The following LINGO2 variants were observed in gnomAD, a reference collection of about 807,000 sequenced individuals.
The protein encoded by LINGO2 is leucine rich repeat and Ig domain containing 2.
In LINGO2, 14 loss-of-function variants were observed where a neutral mutation model predicts 30.6. The observed-to-expected ratio is 0.46, with a 90% CI of 0.30 to 0.72. The LOEUF is 0.72. LINGO2 is among the 30% of genes least tolerant of loss of function. The pLI, the probability that LINGO2 is intolerant of heterozygous loss-of-function variation, is 0.07. For synonymous variants in LINGO2, 317 were observed against 288.5 expected (o/e 1.10, Z -1.00); for missense variants, 729 against 751.7 (o/e 0.97, Z 0.35).
chr9:28,996,124 A>G, the LINGO2 span, among the ~76,000 whole-genome samples: 36 of 152,092 alleles, frequency 2.4e-4, no homozygotes, highest in African/African-American at 8.7e-4. Context: ...GCTTTAAAAA[A>G]AAAAAAAAAG....
the LINGO2 span, among the ~76,000 whole-genome samples, chr9:29,177,521 G>T: frequency 6.6e-6 from 1 of 152,074 alleles, no homozygotes; most frequent in Non-Finnish European, 1.5e-5. Flanking sequence ...CTCCCAAAAT[G>T]TACAATCTTC....
intron 2 of LINGO2, among the ~76,000 whole-genome samples, chr9:28,429,704 C>T (rs1377986287): frequency 6.6e-6 from 1 of 152,186 alleles, no homozygotes; most frequent in African/African-American, 2.4e-5. Context: ...AATTACCATA[C>T]TCATCACCAC....
At chr9:29,070,588 C>T in the LINGO2 span, among the ~76,000 whole-genome samples, 1 of 151,866 alleles carries the variant, frequency 6.6e-6, no homozygotes, top group African/African-American at 2.4e-5. Flanking sequence ...TGCTACAGAC[C>T]CCCAGGTGGA....
chr9:29,101,965 A>G, the LINGO2 span, among the ~76,000 whole-genome samples: 3 of 152,060 alleles, frequency 2.0e-5, no homozygotes, highest in African/African-American at 7.2e-5. Context: ...TATCAAAAAT[A>G]TTTTTTGGTT....
intron 4 of LINGO2, among the ~76,000 whole-genome samples, chr9:28,052,773 G>A (rs982001957): frequency 1.3e-5 from 2 of 152,062 alleles, no homozygotes; most frequent in African/African-American, 4.8e-5. Flanking sequence ...TGGGAGAGAA[G>A]AGACATCTTA....
At chr9:29,165,172 A>G in the LINGO2 span, among the ~76,000 whole-genome samples, 1 of 152,270 alleles carries the variant, frequency 6.6e-6, no homozygotes, top group African/African-American at 2.4e-5. Context: ...GAAAACTTAT[A>G]TCTATATTTG....
At chr9:28,445,858 G>A (rs1298667838) in intron 2 of LINGO2, among the ~76,000 whole-genome samples, 3 of 151,858 alleles carry the variant, frequency 2.0e-5, no homozygotes, top group Non-Finnish European at 4.4e-5. Context: ...CCAGAAGGGG[G>A]AAAAAAACAT....
rs531688549 is a variant in LINGO2, at chr9:28,161,415, TAA to T, written c.-87+133791_-87+133792del. Among the ~76,000 whole-genome samples the T allele has an allele frequency of 1.5e-3, 227 of 152,296 alleles. 3 individuals carry two copies. Among genetic ancestry groups the T allele is most frequent in the African/African-American group, 5.3e-3 (222 of 41,568 alleles). On this transcript the variant is annotated intron_variant, in intron 4 of 5. Coordinates refer to ENST00000379992, the Ensembl canonical transcript of LINGO2. ...TTTGCCTTTGAAAGTGCAAAAGATA[TAA>T]GTGTAATGACAATAATTTTTTCATT... is the stretch of plus-strand genomic sequence containing the variant.
the LINGO2 span, among the ~76,000 whole-genome samples, chr9:29,002,999 TACA>T: frequency 6.6e-6 from 1 of 152,032 alleles, no homozygotes; most frequent in Admixed American, 6.6e-5. Context: ...CTGGTGTCCT[TACA>T]AGAAGAAGAG....
chr9:28,967,943 T>C, the LINGO2 span, among the ~76,000 whole-genome samples: 1 of 152,328 alleles, frequency 6.6e-6, no homozygotes, highest in East Asian at 1.9e-4. Flanking sequence ...AACCCTAATA[T>C]TAAGTAAGTA....
the LINGO2 span, among the ~76,000 whole-genome samples, chr9:29,027,100 T>C: frequency 6.6e-6 from 1 of 152,122 alleles, no homozygotes; most frequent in African/African-American, 2.4e-5. Flanking sequence ...GGAGAAAATG[T>C]AGAATATAGA....
chr9:28,854,442 T>A, the LINGO2 span, among the ~76,000 whole-genome samples: 1 of 152,004 alleles, frequency 6.6e-6, no homozygotes. Flanking sequence ...GTGCTTGTGC[T>A]TTAATGTCTT....
At chr9:28,447,798 T>G (rs558218442) in intron 2 of LINGO2, among the ~76,000 whole-genome samples, 1 of 152,208 alleles carries the variant, frequency 6.6e-6, no homozygotes, top group Non-Finnish European at 1.5e-5. Flanking sequence ...CATTACTTGC[T>G]TGATATAGGA....
intron 4 of LINGO2, among the ~76,000 whole-genome samples, chr9:28,260,297 G>A (rs1218724794): frequency 1.3e-5 from 2 of 149,414 alleles, no homozygotes; most frequent in African/African-American, 2.5e-5. Context: ...GAGAACTAAT[G>A]CTTCACTCTT....
At chr9:28,049,229 C>G (rs1196450526) in intron 4 of LINGO2, among the ~76,000 whole-genome samples, 2 of 150,706 alleles carry the variant, frequency 1.3e-5, no homozygotes, top group Non-Finnish European at 2.9e-5. Context: ...GTTTACTGAG[C>G]CGATATTCTG....
At chr9:28,468,365 C>T (rs1825393137) in intron 2 of LINGO2, among the ~76,000 whole-genome samples, 2 of 152,100 alleles carry the variant, frequency 1.3e-5, no homozygotes, top group Admixed American at 1.3e-4. Context: ...TCTCACTCTC[C>T]TTACTTGGAA....
intron 5 of LINGO2, among the ~76,000 whole-genome samples, chr9:27,998,697 C>A (rs987220101): frequency 6.6e-6 from 1 of 152,152 alleles, no homozygotes; most frequent in Non-Finnish European, 1.5e-5. Flanking sequence ...AGGAGAATTG[C>A]TGAAACCAGG....
the LINGO2 span, among the ~76,000 whole-genome samples, chr9:28,981,625 T>C: frequency 6.6e-6 from 1 of 151,970 alleles, no homozygotes; most frequent in Non-Finnish European, 1.5e-5. Context: ...TATGTGGTGG[T>C]GATGGCAGAA....
At chr9:28,812,855 G>T in the LINGO2 span, among the ~76,000 whole-genome samples, 1 of 152,082 alleles carries the variant, frequency 6.6e-6, no homozygotes, top group Admixed American at 6.6e-5. Flanking sequence ...AGACAGTCTG[G>T]CCTAGGAAGA....
Sources: gnomAD v4.1 joint callset for allele counts (sites outside exome capture counted in the v4.1 genomes callset) on GRCh38, gnomAD v4.1.1 for gene constraint, MANE v1.5 for transcripts, NCBI Gene and HGNC (gene_info 2026-07-23, HGNC 2026-07-21) for gene names.